Variants in SMAP2 observed in about 807,000 individuals in gnomAD.
The protein encoded by SMAP2 is stromal membrane-associated protein 2.
In SMAP2, 25 loss-of-function variants were observed where a neutral mutation model predicts 56.4. The ratio of observed to expected loss-of-function variants is 0.44; its 90% CI spans 0.32 to 0.62. SMAP2 has a LOEUF of 0.62. Among genes scored for constraint, SMAP2 ranks in the 20% least tolerant of loss-of-function variants. The pLI is 0.04. For missense variants in SMAP2, 388 were observed against 545.6 expected, an observed-to-expected ratio of 0.71 and a Z score of 2.88; for synonymous variants, 157 against 181.7, an observed-to-expected ratio of 0.86 and a Z score of 1.09.
At chr1:40,413,236 G>T in intron 5 of SMAP2, 134 bp downstream of exon 5, 1 of 700,140 alleles carries the variant, frequency 1.4e-6, no homozygotes. Context: ...CATCTGGATT[G>T]GACTGCCTGC....
chr1:40,400,917 T>C (rs1333534449), intron 1 of SMAP2, among the ~76,000 whole-genome samples: 2 of 152,196 alleles, frequency 1.3e-5, no homozygotes, highest in Non-Finnish European at 2.9e-5. Flanking sequence ...TCCCCAGTAC[T>C]TAGCAGGCAA....
chr1:40,373,889 A>G lies in SMAP2; in HGVS notation c.-232A>G. ...TCTCTGGCCCCGCAGCCTCTCTTGG[A>G]GGCGGGCCTGTCCCTAAGCCCGCCA... On this transcript the variant is annotated 5_prime_UTR_variant, in exon 1 of 10. Transcript: ENST00000372718. The G allele has an allele frequency of 2.2e-6, 1 of 451,370 alleles. No homozygotes were observed. Among genetic ancestry groups the G allele is most frequent in the South Asian group, 2.9e-5 (1 of 34,990 alleles). The allele number at this position is 451,370 out of a possible 1,614,324, so 28.0% of individuals were successfully genotyped here.
At chr1:40,407,200 T>C (rs909636306) in intron 2 of SMAP2, among the ~76,000 whole-genome samples, 2 of 152,176 alleles carry the variant, frequency 1.3e-5, no homozygotes, top group African/African-American at 4.8e-5. Flanking sequence ...AATATTCACT[T>C]TTGGTCGGGC....
At chr1:40,353,193 AC>A (rs1284995920) in intron 1 of SMAP2, among the ~76,000 whole-genome samples, 2 of 152,118 alleles carry the variant, frequency 1.3e-5, no homozygotes. Flanking sequence ...TTCTCGGAAA[AC>A]TTTTGTTTTC....
chr1:40,387,362 TAAGG>T (rs1165511152), intron 1 of SMAP2, among the ~76,000 whole-genome samples: 1 of 152,194 alleles, frequency 6.6e-6, no homozygotes, highest in Non-Finnish European at 1.5e-5. Context: ...ACAATACAAA[TAAGG>T]AAGTATAAAT....
chr1:40,414,768 T>G (rs1644971138), intron 6 of SMAP2, among the ~76,000 whole-genome samples: 4 of 152,230 alleles, frequency 2.6e-5, no homozygotes, highest in Admixed American at 1.3e-4. Flanking sequence ...GTTTCTGAGA[T>G]GGCCTGTGGT....
chr1:40,382,159 G>A (rs1260617846), intron 1 of SMAP2, among the ~76,000 whole-genome samples: 1 of 152,126 alleles, frequency 6.6e-6, no homozygotes, highest in Non-Finnish European at 1.5e-5. Context: ...ATTATGGTAT[G>A]TAGGTGGCAG....
At chr1:40,399,672 A>T (rs1374382958) in intron 1 of SMAP2, among the ~76,000 whole-genome samples, 1 of 148,014 alleles carries the variant, frequency 6.8e-6, no homozygotes, top group African/African-American at 2.5e-5. Context: ...ACTGCACTCC[A>T]GCCTGGGTGA....
At chr1:40,407,092 C>T (rs77529481) in intron 2 of SMAP2, among the ~76,000 whole-genome samples, 4,403 of 152,254 alleles carry the variant, frequency 0.029, 66 homozygotes, top group African/African-American at 0.045. Context: ...AAATAGTCTA[C>T]GGTCTAGGAT....
chr1:40,374,087 C>T lies in SMAP2; in HGVS notation c.-34C>T. ...CAGGGGTCTCTGGGGGCGAGGAGGG[C>T]GCGTCGCCCTCTGCCCCCGCCGGCA... On this transcript the variant is annotated 5_prime_UTR_variant, in exon 1 of 10. Coordinates refer to ENST00000372718, the MANE Select transcript of SMAP2 (RefSeq NM_022733.3). The surrounding 1 kb of genome is among the most constrained non-coding windows in gnomAD (Gnocchi z 5.9). The T allele has an allele frequency of 6.5e-7, 1 of 1,538,262 alleles. No homozygotes were observed. The highest frequency in any genetic ancestry group is 8.9e-7 in the Non-Finnish European group (1 of 1,120,242).
At chr1:40,372,515 G>GA (rs904417148), upstream of SMAP2, among the ~76,000 whole-genome samples, 1 of 152,124 alleles carries the variant, frequency 6.6e-6, no homozygotes, top group African/African-American at 2.4e-5. Flanking sequence ...GTTTTCTGAG[G>GA]AAAAACACCC....
chr1:40,414,125 G>A (rs376413843), intron 5 of SMAP2, 34 bp from the exon 6 acceptor site: 28 of 1,602,734 alleles, frequency 1.7e-5, no homozygotes, highest in East Asian at 1.6e-4. Context: ...AAAACCACCT[G>A]CTTATTTCTT....
At position 40,422,112 on chromosome 1, in the gene SMAP2, C is replaced by T. The variant is rs2124391094; in HGVS notation, c.*11C>T. On this transcript the variant is annotated 3_prime_UTR_variant, in exon 10 of 10. Coordinates refer to ENST00000372718, the MANE Select transcript of SMAP2 (RefSeq NM_022733.3). The stretch of plus-strand genomic sequence containing the variant: ...CAGATGTGGAAATAAAAACAAAACA[C>T]CTGTATGGCTGCCATTCTCTTCAGC... 1 of 1,613,736 alleles carries T rather than the reference C, an allele frequency of 6.2e-7. No homozygotes were observed. Among genetic ancestry groups the T allele is most frequent in the East Asian group, 2.2e-5 (1 of 44,868 alleles).
upstream of SMAP2, among the ~76,000 whole-genome samples, chr1:40,371,806 T>G (rs1644497511): frequency 1.3e-5 from 2 of 152,214 alleles, no homozygotes; most frequent in Non-Finnish European, 2.9e-5. Flanking sequence ...CTGTTCTAAT[T>G]ATATTACAGG....
chr1:40,366,300 T>C (rs1039699455), intron 2 of SMAP2, among the ~76,000 whole-genome samples: 16 of 147,770 alleles, frequency 1.1e-4, no homozygotes, highest in Non-Finnish European at 2.4e-4. Context: ...CCAGGAGAAC[T>C]TCCCCAATTT....
rs761062133 is a variant in SMAP2 at position 40,415,287 on chromosome 1, G to T, written c.587G>T (p.Cys196Phe). The T allele has an allele frequency of 1.2e-6, 2 of 1,613,614 alleles. No individual in the cohort carries two copies. The highest frequency in any genetic ancestry group is 1.1e-5 in the South Asian group (1 of 91,066). ...CTCTTTCTAGATGCTCCTGTGGCCT[G>T]CTCCATTGCAAATAGTAAGACCAGC... ...DLLGLDAPVA[C>F]SIANSKTSNT... Residue 196 changes from cysteine (C) to phenylalanine (F), a missense_variant, in exon 7 of 10, where the codon TGC becomes TTC. Cys to Phe is a radical substitution (Grantham distance 205). Coordinates refer to ENST00000372718, the MANE Select transcript of SMAP2 (RefSeq NM_022733.3).
At chr1:40,393,707 G>A (rs1644741213) in intron 1 of SMAP2, among the ~76,000 whole-genome samples, 1 of 151,988 alleles carries the variant, frequency 6.6e-6, no homozygotes, top group Non-Finnish European at 1.5e-5. Context: ...CACAATGCCT[G>A]GCTAATTTTT....
rs780365379 is a variant in SMAP2 at position 40,417,060 on chromosome 1, C to T, written c.1128C>T (p.Val376=). ...MAAMPQTVYG[V]QPAQQLQWNL... ...CTATGCCCCAGACTGTGTATGGGGT[C>T]CAGCCAGCTCAGCAGCTGCAATGGA... Residue 376 remains valine, a synonymous_variant, in exon 9 of 10, where the codon GTC becomes GTT. Transcript: ENST00000372718. The T allele has an allele frequency of 1.2e-6, 2 of 1,605,724 alleles. No individual in the cohort carries two copies. Among genetic ancestry groups the T allele is most frequent in the South Asian group, 2.2e-5 (2 of 90,920 alleles).
At position 40,408,599 on chromosome 1, in the gene SMAP2, T is replaced by C. The variant is rs1191315045; in HGVS notation, c.238-54T>C. 4.0e-6 allele frequency: 6 copies of C among 1,499,980 alleles called. No individual in the cohort carries two copies. The highest frequency in any genetic ancestry group is 3.4e-5 in the South Asian group (3 of 88,338). The allele number at this position is 1,499,980 out of a possible 1,614,324, so 92.9% of individuals were successfully genotyped here. ...AGTAGTGGAATTGGGTGAGAAGTTT[T>C]TCAGTTCTTTCTTGATCTGACGTTC... On this transcript the variant is annotated intron_variant, in intron 2 of 9. Coordinates refer to ENST00000372718, the MANE Select transcript of SMAP2 (RefSeq NM_022733.3). This position sits in a 1 kb window ranked among gnomAD's most constrained non-coding sequence, Gnocchi z 4.3.
Sources: allele counts gnomAD v4.1 joint callset (sites outside exome capture counted in the v4.1 genomes callset), GRCh38; gene constraint gnomAD v4.1.1; non-coding constraint Gnocchi (gnomAD v3.1); transcripts MANE v1.5; gene names NCBI Gene and HGNC (gene_info 2026-07-23, HGNC 2026-07-21).